CCDC91: variants seen among roughly 807,000 people sequenced by gnomAD.
CCDC91 encodes the protein coiled-coil domain-containing protein 91.
In CCDC91, 48 loss-of-function variants were observed where a neutral mutation model predicts 63.2. The observed-to-expected ratio is 0.76, with a 90% CI of 0.60 to 0.97. CCDC91 has a LOEUF of 0.97. CCDC91 is among the 50% of genes least tolerant of loss of function. CCDC91 has a pLI of 0.00. For missense variants in CCDC91, 500 were observed against 494.6 expected (o/e 1.01, Z -0.10); for synonymous variants, 167 against 165.8 (o/e 1.01, Z -0.06).
At chr12:28,307,510 A>G in intron 5 of CCDC91, 135 bp from the exon 6 acceptor site, 1 of 551,538 alleles carries the variant, frequency 1.8e-6, no homozygotes, top group Non-Finnish European at 3.2e-6. Context: ...ATAATTTATA[A>G]TATTGTTAGA....
chr12:28,518,200 G>T (rs1019934155), intron 12 of CCDC91, among the ~76,000 whole-genome samples: 1 of 151,910 alleles, frequency 6.6e-6, no homozygotes, highest in Non-Finnish European at 1.5e-5. Flanking sequence ...GTTCTTTAAG[G>T]AATCTCCACA....
Position 28,401,099 on chromosome 12 carries a change from A to G in CCDC91, c.762+9688A>G, listed in dbSNP as rs141613333. Among the ~76,000 whole-genome samples, 570 of 152,260 alleles carry G rather than the reference A, an allele frequency of 3.7e-3. 7 individuals carry two copies. Among genetic ancestry groups the G allele is most frequent in the African/African-American group, 0.013 (539 of 41,556 alleles). On this transcript the variant is annotated intron_variant, in intron 8 of 12. Coordinates refer to ENST00000536442, the MANE Select transcript of CCDC91 (RefSeq NM_018318.5). ...CTTCCACATTTTCGGGTATCTTTAC[A>G]GCAGTACCCACTCTCTGTGGTACCA...
intron 8 of CCDC91, among the ~76,000 whole-genome samples, chr12:28,434,594 GTTTTTTTTTTT>G (rs376645678): frequency 2.3e-4 from 17 of 73,454 alleles, no homozygotes; most frequent in African/African-American, 6.4e-4. Flanking sequence ...CCTTGGTCTG[GTTTTTTTTTTT>G]TTTTTTTTTT....
intron 7 of CCDC91, among the ~76,000 whole-genome samples, chr12:28,372,211 A>G (rs1254586050): frequency 6.6e-6 from 1 of 152,196 alleles, no homozygotes; most frequent in Non-Finnish European, 1.5e-5. Context: ...CTAATTTTAT[A>G]CCAGTACCAT....
At chr12:28,361,995 TC>T (rs1226056056) in intron 6 of CCDC91, among the ~76,000 whole-genome samples, 1 of 152,100 alleles carries the variant, frequency 6.6e-6, no homozygotes, top group African/African-American at 2.4e-5. Flanking sequence ...GTTAACAGTG[TC>T]CAAAGAGACT....
chr12:28,320,694 C>G (rs1219913084), intron 6 of CCDC91, among the ~76,000 whole-genome samples: 1 of 151,796 alleles, frequency 6.6e-6, no homozygotes, highest in Non-Finnish European at 1.5e-5. Flanking sequence ...AGACAGTTAA[C>G]ATATAAAATA....
chr12:28,362,453 G>A lies in CCDC91; in HGVS notation c.592G>A (p.Glu198Lys). 1 of 1,588,222 alleles carries A rather than the reference G, an allele frequency of 6.3e-7. No homozygotes were observed. Among genetic ancestry groups the A allele is most frequent in the Non-Finnish European group, 8.6e-7 (1 of 1,166,456 alleles). Residue 198 changes from glutamate (E) to lysine (K), a missense_variant, in exon 7 of 13, where the codon GAA becomes AAA. Glu to Lys is a moderately conservative substitution (Grantham distance 56). Transcript: ENST00000536442. The part of the protein sequence containing the change: ...YKELQEKHKQ[E>K]LEDMRKAGHE... ...TTTCTTTCAGGAAAAACATAAACAA[G>A]AATTGGAAGACATGAGGAAAGCTGG... is the stretch of plus-strand genomic sequence containing the variant.
intron 12 of CCDC91, among the ~76,000 whole-genome samples, chr12:28,542,231 C>T (rs967459159): frequency 5.9e-5 from 9 of 152,064 alleles, no homozygotes; most frequent in East Asian, 3.9e-4. Flanking sequence ...ATACGATGAA[C>T]TTACTTTAGA....
intron 12 of CCDC91, among the ~76,000 whole-genome samples, chr12:28,491,602 G>T (rs893961055): frequency 2.0e-5 from 3 of 151,684 alleles, no homozygotes; most frequent in Non-Finnish European, 4.4e-5. Flanking sequence ...CTAAAATGTG[G>T]ACTAGGCTAT....
At chr12:28,548,789 T>C (rs1943153154) in intron 12 of CCDC91, among the ~76,000 whole-genome samples, 1 of 152,168 alleles carries the variant, frequency 6.6e-6, no homozygotes, top group Non-Finnish European at 1.5e-5. Context: ...TACTATTTTA[T>C]GTTTTCTGAA....
intron 7 of CCDC91, among the ~76,000 whole-genome samples, chr12:28,363,475 A>G (rs116533032): frequency 0.011 from 1,727 of 152,324 alleles, 37 homozygotes; most frequent in African/African-American, 0.04. Context: ...ATAAATATAA[A>G]AAATCCCTAT....
chr12:28,349,779 C>T (rs1002823667), intron 6 of CCDC91, among the ~76,000 whole-genome samples: 11 of 152,122 alleles, frequency 7.2e-5, no homozygotes, highest in East Asian at 3.9e-4. Flanking sequence ...CTGTGCCTAA[C>T]GTTCCCAGTT....
intron 7 of CCDC91, among the ~76,000 whole-genome samples, chr12:28,384,918 C>G (rs1001606214): frequency 6.6e-6 from 1 of 151,830 alleles, no homozygotes; most frequent in South Asian, 2.1e-4. Context: ...AATAAACTTA[C>G]GATTTGTTTG....
chr12:28,515,959 A>T (rs1939899530), intron 12 of CCDC91, among the ~76,000 whole-genome samples: 1 of 151,928 alleles, frequency 6.6e-6, no homozygotes, highest in Non-Finnish European at 1.5e-5. Flanking sequence ...TATTACAAAG[A>T]CTAATTGAAA....
At chr12:28,498,231 T>C (rs1201965329) in intron 12 of CCDC91, among the ~76,000 whole-genome samples, 5 of 151,624 alleles carry the variant, frequency 3.3e-5, no homozygotes, top group Non-Finnish European at 5.9e-5. Context: ...AGAGAGGTTA[T>C]TGAAAATAGC....
chr12:28,276,104 T>C (rs1369803785), intron 3 of CCDC91, among the ~76,000 whole-genome samples: 1 of 152,082 alleles, frequency 6.6e-6, no homozygotes. Flanking sequence ...AAATTCTTTT[T>C]TTCTTAGATC....
At chr12:28,477,406 A>G (rs944271533) in intron 11 of CCDC91, among the ~76,000 whole-genome samples, 3 of 152,214 alleles carry the variant, frequency 2.0e-5, no homozygotes, top group African/African-American at 7.2e-5. Context: ...AAGGCCTTTG[A>G]CAAAATTCAA....
At chr12:28,441,974 A>G (rs1949248739) in intron 8 of CCDC91, among the ~76,000 whole-genome samples, 1 of 152,038 alleles carries the variant, frequency 6.6e-6, no homozygotes, top group African/African-American at 2.4e-5. Context: ...AAAGACTTTT[A>G]AAATAATCAT....
intron 11 of CCDC91, among the ~76,000 whole-genome samples, chr12:28,458,454 C>CTT (rs1566005675): frequency 1.4e-5 from 1 of 71,482 alleles, no homozygotes; most frequent in African/African-American, 8.1e-5. Flanking sequence ...CATTTGCACA[C>CTT]CTTTTTTTTT....
Sources: gnomAD v4.1 joint callset for allele counts (sites outside exome capture counted in the v4.1 genomes callset) on GRCh38, gnomAD v4.1.1 for gene constraint, MANE v1.5 for transcripts, NCBI Gene and HGNC (gene_info 2026-07-23, HGNC 2026-07-21) for gene names.